Variants in NUAK2 observed in about 807,000 individuals in gnomAD.
NUAK2 encodes the protein NUAK family kinase 2, also known as NUAK family SNF1-like kinase 2.
In NUAK2, 20 loss-of-function variants were observed where a neutral mutation model predicts 29.8. The observed-to-expected ratio is 0.67, with a 90% confidence interval of 0.47 to 0.98. NUAK2 has a LOEUF of 0.98. Ranked by LOEUF, NUAK2 falls within the 50% of genes least tolerant of loss-of-function variation. The pLI, the probability that NUAK2 is intolerant of heterozygous loss-of-function variation, is 0.00. For synonymous variants in NUAK2, 331 were observed against 342.6 expected (o/e 0.97, Z 0.37); for missense variants, 719 against 834.5 (o/e 0.86, Z 1.71).
At chr1:205,312,219 G>A (rs1401654412) in intron 1 of NUAK2, among the ~76,000 whole-genome samples, 1 of 152,218 alleles carries the variant, frequency 6.6e-6, no homozygotes, top group Non-Finnish European at 1.5e-5. Flanking sequence ...GCTGAGCACA[G>A]TAGGCACAGA....
chr1:205,306,436 CT>C, intron 4 of NUAK2, 129 bp from the exon 5 acceptor site: 1 of 1,217,854 alleles, frequency 8.2e-7, no homozygotes, highest in Non-Finnish European at 1.1e-6. Flanking sequence ...CCCCATGACC[CT>C]TACCCCACAC....
chr1:205,309,399 T>C (rs2102648361), intron 2 of NUAK2, among the ~76,000 whole-genome samples: 1 of 152,280 alleles, frequency 6.6e-6, no homozygotes, highest in East Asian at 1.9e-4. Flanking sequence ...TGGTCTCGGC[T>C]CACTGCAACC....
At position 205,303,556 on chromosome 1, in the gene NUAK2, C is replaced by A. The variant is rs1257682991; in HGVS notation, c.1781G>T (p.Arg594Leu). 3 of 1,613,532 alleles carry A rather than the reference C, an allele frequency of 1.9e-6. No individual in the cohort carries two copies. The highest frequency in any genetic ancestry group is 2.5e-6 in the Non-Finnish European group (3 of 1,179,952). Reference protein sequence around the residue: ...PSEGPGSCLRRWRQDPLGDSC... With the variant: ...PSEGPGSCLRLWRQDPLGDSC... ...GTCCCCCAAAGGATCCTGCCGCCAG[C>A]GCCTCAGGCAGCTTCCAGGGCCCTC... is the stretch of plus-strand genomic sequence containing the variant. The change falls in exon 7 of 7, where the codon CGC (arginine) becomes CTC (leucine). Residue 594 changes from arginine to leucine, a missense_variant. Physicochemically the swap from Arg to Leu is moderately radical, Grantham distance 102. Transcript: ENST00000367157.
rs756309290 is a variant in NUAK2, at chr1:205,321,563, C to G, written c.66G>C (p.Pro22=). The G allele has an allele frequency of 1.6e-5, 26 of 1,613,468 alleles. No homozygotes were observed. Among genetic ancestry groups the G allele is most frequent in the Admixed American group, 1.5e-4 (9 of 59,994 alleles). Residue 22 remains proline (P), a synonymous_variant, in exon 1 of 7, where the codon CCG becomes CCC. Coordinates refer to ENST00000367157, the MANE Select transcript of NUAK2 (RefSeq NM_030952.3). ...PTPSAAELAR[P]LAEGLIKSPK... ...GCGACTTGATCAGCCCTTCCGCCAG[C>G]GGCCGGGCTAGCTCTGCGGCCGAGG...
chr1:205,310,942 TACAG>T (rs1328098808), intron 2 of NUAK2, among the ~76,000 whole-genome samples: 1 of 152,220 alleles, frequency 6.6e-6, no homozygotes, highest in Non-Finnish European at 1.5e-5. Flanking sequence ...ACCAGGAATA[TACAG>T]ACAAAGGGCA....
Position 205,308,824 on chromosome 1 carries a change from A to T in NUAK2, c.353-92T>A. ...CACTCCTCCCCGACCCCAGGCCCCA[A>T]ACCAGACAGGACCCCCCTCCAGGAA... On this transcript the variant is annotated intron_variant, in intron 2 of 6. Coordinates refer to ENST00000367157, the MANE Select transcript of NUAK2 (RefSeq NM_030952.3). The surrounding 1 kb of genome is among the most constrained non-coding windows in gnomAD (Gnocchi z 4.1). 4 of 1,440,140 alleles carry T rather than the reference A, an allele frequency of 2.8e-6. No homozygotes were observed. The highest frequency in any genetic ancestry group is 3.8e-6 in the Non-Finnish European group (4 of 1,045,498). 89.2% of individuals were successfully genotyped at this position (1,440,140 alleles called of 1,614,324 possible).
Position 205,303,745 on chromosome 1 carries a change from C to G in NUAK2, c.1592G>C (p.Arg531Pro). 1.3e-6 allele frequency: 2 copies of G among 1,541,072 alleles called. No individual in the cohort carries two copies. The highest frequency in any genetic ancestry group is 1.3e-5 in the South Asian group (1 of 78,828). ...FGSLDELAPP[R>P]PLARASRPSG... The stretch of plus-strand genomic sequence containing the variant: ...GGGTCGGCTGGCCCGGGCCAGGGGG[C>G]GAGGTGGGGCGAGTTCATCCAGGGA... The change falls in exon 7 of 7, where the codon CGC (arginine) becomes CCC (proline). Residue 531 changes from arginine (R) to proline (P), a missense_variant. Physicochemically the swap from Arg to Pro is moderately radical, Grantham distance 103. Transcript: ENST00000367157.
rs1433380471 is a variant in NUAK2 at position 205,321,389 on chromosome 1, C to A, written c.231+9G>T. 1.9e-6 allele frequency: 3 copies of A among 1,610,824 alleles called. No individual in the cohort carries two copies. In the South Asian group the frequency reaches 3.3e-5, roughly 18 times the overall value. On this transcript the variant is annotated intron_variant, in intron 1 of 6. Transcript: ENST00000367157. ...CCCGCCCCGCGCCGCGAGAGGGAGC[C>A]GCACTCACCAGGCGCCCCGAGCTCT...
Position 205,308,903 on chromosome 1 carries a change from A to G in NUAK2, c.353-171T>C, listed in dbSNP as rs1483410983. On this transcript the variant is annotated intron_variant, in intron 2 of 6. Transcript: ENST00000367157. The surrounding 1 kb of genome is among the most constrained non-coding windows in gnomAD (Gnocchi z 4.1). ...AATAAGGGCAGAAGAAGGGCCTTGG[A>G]AGTTCTCAGCATCTTCCAGGAGCCA... Among the ~76,000 whole-genome samples the G allele has an allele frequency of 6.6e-6, 1 of 151,970 alleles. No homozygotes were observed. Among genetic ancestry groups the G allele is most frequent in the Non-Finnish European group, 1.5e-5 (1 of 67,996 alleles).
chr1:205,321,238 C>A (rs999205145), intron 1 of NUAK2, among the ~76,000 whole-genome samples, 160 bp downstream of exon 1: 1 of 152,214 alleles, frequency 6.6e-6, no homozygotes, highest in Non-Finnish European at 1.5e-5. Context: ...ACTGACACAT[C>A]TGCCAGGGAC....
rs1105231 is a variant in NUAK2, at chr1:205,310,691, T to C, written c.352+1014A>G. ...TCATATACACACACACACATATATA[T>C]ACACACACACACCCCAATCACCACA... On this transcript the variant is annotated intron_variant, in intron 2 of 6. Transcript: ENST00000367157. Among the ~76,000 whole-genome samples, 998 of 151,832 alleles carry C rather than the reference T, an allele frequency of 6.6e-3. 8 individuals are homozygous for C. Among genetic ancestry groups the C allele is most frequent in the Middle Eastern group, 0.02 (6 of 294 alleles).
intron 1 of NUAK2, among the ~76,000 whole-genome samples, chr1:205,315,991 C>G (rs574768017): frequency 1.3e-5 from 2 of 152,276 alleles, no homozygotes; most frequent in African/African-American, 4.8e-5. Flanking sequence ...GGTCTAATTA[C>G]TAATATTGCC....
In NUAK2 at chr1:205,303,519, G is replaced by A; in HGVS notation, c.1818C>T (p.Ser606=). The change falls in exon 7 of 7, where the codon TCC becomes TCT. Residue 606 remains serine (S), a synonymous_variant. Transcript: ENST00000367157. ...CTGTCACCTCCTGGCAGTCTGTCAGGGAAAAGCAGCTGTCCCCCAAAGGAT... is the reference window on the plus strand; with the variant it reads ...CTGTCACCTCCTGGCAGTCTGTCAGAGAAAAGCAGCTGTCCCCCAAAGGAT... The part of the protein sequence containing the change: ...RQDPLGDSCF[S]LTDCQEVTAT... The A allele has an allele frequency of 6.2e-7, 1 of 1,613,232 alleles. No homozygotes were observed. Among genetic ancestry groups the A allele is most frequent in the South Asian group, 1.1e-5 (1 of 90,924 alleles).
At chr1:205,315,359 A>G (rs1164967037) in intron 1 of NUAK2, among the ~76,000 whole-genome samples, 1 of 152,240 alleles carries the variant, frequency 6.6e-6, no homozygotes, top group Non-Finnish European at 1.5e-5. Flanking sequence ...GCATACAGAA[A>G]GTGTTCAACA....
intron 1 of NUAK2, among the ~76,000 whole-genome samples, chr1:205,312,423 C>A (rs914590016): frequency 1.3e-5 from 2 of 152,218 alleles, no homozygotes; most frequent in East Asian, 3.8e-4. Flanking sequence ...GAGTTTGGTA[C>A]TTTTTCTGCT....
intron 6 of NUAK2, 122 bp downstream of exon 6, chr1:205,305,077 C>T: frequency 1.5e-6 from 2 of 1,299,914 alleles, no homozygotes; most frequent in Non-Finnish European, 2.1e-6. Context: ...GGTACCCTAA[C>T]CTACCATGGG....
In NUAK2 at chr1:205,306,229, A is replaced by G; in HGVS notation, c.649T>C (p.Ser217Pro). 6.2e-7 allele frequency: 1 copy of G among 1,613,866 alleles called. No homozygotes were observed. The highest frequency in any genetic ancestry group is 8.5e-7 in the Non-Finnish European group (1 of 1,179,876). Reference sequence around the variant, plus strand: ...GGCTTCCCATTGACAATCTCTGGCGAGGCATAGAGGGGGCTCCCACAGAAT... The same window carrying G: ...GGCTTCCCATTGACAATCTCTGGCGGGGCATAGAGGGGGCTCCCACAGAAT... ...QTFCGSPLYA[S>P]PEIVNGKPYT... Residue 217 changes from serine (S) to proline (P), a missense_variant, in exon 5 of 7, where the codon TCG (serine) becomes CCG (proline). By Grantham distance (74) the Ser-to-Pro change is moderately conservative (BLOSUM62 -1). This residue lies in a region of NUAK2 where 283 missense variants were observed against 345.6 expected (regional missense o/e 0.82). Coordinates refer to ENST00000367157, the MANE Select transcript of NUAK2 (RefSeq NM_030952.3).
chr1:205,304,296 C>T lies in NUAK2; in HGVS notation c.1041G>A (p.Gly347=), dbSNP rs1218187203. 6.2e-7 allele frequency: 1 copy of T among 1,612,770 alleles called. No individual in the cohort carries two copies. Among genetic ancestry groups the T allele is most frequent in the South Asian group, 1.1e-5 (1 of 90,932 alleles). ...RRSSRPLLEN[G]AKVCSFFKQH... ...GCTTGAAGAAGCTGCACACCTTGGC[C>T]CCATTCTCCAGGAGGGGGCGGGAGG... Residue 347 remains glycine (G), a synonymous_variant, in exon 7 of 7, where the codon GGG becomes GGA. Transcript: ENST00000367157. This position sits in a 1 kb window ranked among gnomAD's most constrained non-coding sequence, Gnocchi z 6.5.
intron 1 of NUAK2, among the ~76,000 whole-genome samples, chr1:205,314,579 C>G (rs1470255817): frequency 1.3e-5 from 2 of 152,306 alleles, no homozygotes; most frequent in African/African-American, 4.8e-5. Context: ...CCTCTCGCCT[C>G]CATACCCTTT....
Sources: gnomAD v4.1 joint callset for allele counts (sites outside exome capture counted in the v4.1 genomes callset) on GRCh38, gnomAD v4.1.1 for gene constraint, gnomAD v4.1.1 regional missense constraint, Gnocchi (gnomAD v3.1) non-coding constraint, MANE v1.5 for transcripts, NCBI Gene and HGNC (gene_info 2026-07-23, HGNC 2026-07-21) for gene names.